COL4A4: variants seen among roughly 807,000 people sequenced by gnomAD.
COL4A4 encodes the protein collagen alpha-4(IV) chain.
Under a neutral mutation model 192.9 loss-of-function variants are expected in COL4A4, and 105 were observed. That is an observed-to-expected ratio of 0.54 (90% CI 0.46 to 0.64). The LOEUF (loss-of-function observed/expected upper bound fraction) is 0.64. Ranked by LOEUF, COL4A4 falls within the 30% of genes least tolerant of loss-of-function variation. COL4A4 has a pLI of 0.00. For missense variants in COL4A4, 1,967 were observed against 2,169.3 expected, an observed-to-expected ratio of 0.91 and a Z score of 1.85; for synonymous variants, 762 against 769.9, an observed-to-expected ratio of 0.99 and a Z score of 0.17.
At chr2:227,144,605 T>C (rs2063425686) in intron 2 of COL4A4, 47 bp from the exon 3 acceptor site, 12 of 1,451,690 alleles carry the variant, frequency 8.3e-6, no homozygotes, top group Non-Finnish European at 1.1e-5. Context: ...TTTCTTTTCA[T>C]GTGAAACAAA....
the COL4A4 span, among the ~76,000 whole-genome samples, chr2:226,974,338 C>T: frequency 1.3e-5 from 2 of 151,944 alleles, no homozygotes; most frequent in Admixed American, 1.3e-4. Context: ...CCTGGGTTCA[C>T]GCCATTCTTC....
chr2:227,109,281 A>T lies in COL4A4; in HGVS notation c.600T>A (p.Ser200=), dbSNP rs549182013. 2 of 1,613,968 alleles carry T rather than the reference A, an allele frequency of 1.2e-6. No homozygotes were observed. The highest frequency in any genetic ancestry group is 4.5e-5 in the East Asian group (2 of 44,886). ...GDPGLPGLPG[S]WGAGGPAGPT... The stretch of plus-strand genomic sequence containing the variant: ...GACCTGCCGGTCCTCCTGCACCCCA[A>T]GATCCCTAAACATGAGAAAAATCAG... Residue 200 remains serine, a synonymous_variant, in exon 10 of 48, where the codon TCT becomes TCA. Coordinates refer to ENST00000396625, the MANE Select transcript of COL4A4 (RefSeq NM_000092.5).
Position 227,045,452 on chromosome 2 carries a change from G to A in COL4A4, c.3289+2023C>T, listed in dbSNP as rs113504747. Among the ~76,000 whole-genome samples the A allele has an allele frequency of 1.0e-3, 151 of 146,790 alleles. 2 individuals are homozygous for A. Among genetic ancestry groups the A allele is most frequent in the African/African-American group, 3.4e-3 (133 of 39,360 alleles). On this transcript the variant is annotated intron_variant, in intron 35 of 47. Coordinates refer to ENST00000396625, the MANE Select transcript of COL4A4 (RefSeq NM_000092.5). ...TTTTCCCTATCAAATGTATACTTCAGTTATACAGTTCAGTTAAAATATTAT... is the reference window on the plus strand; with the variant it reads ...TTTTCCCTATCAAATGTATACTTCAATTATACAGTTCAGTTAAAATATTAT...
chr2:227,112,955 A>G (rs1284191601), intron 8 of COL4A4, among the ~76,000 whole-genome samples: 3 of 152,076 alleles, frequency 2.0e-5, no homozygotes, highest in African/African-American at 4.8e-5. Flanking sequence ...TTGTTTATCC[A>G]TTCATCTGTT....
chr2:227,078,562 A>C (rs899436943), intron 24 of COL4A4, among the ~76,000 whole-genome samples: 1 of 152,242 alleles, frequency 6.6e-6, no homozygotes, highest in African/African-American at 2.4e-5. Context: ...ATTTATATAC[A>C]TACATATAAT....
chr2:226,977,993 C>T, the COL4A4 span, among the ~76,000 whole-genome samples: 5 of 152,226 alleles, frequency 3.3e-5, no homozygotes, highest in African/African-American at 4.8e-5. Flanking sequence ...GTATTTAAAG[C>T]TATAAATGAC....
rs531564775 is a variant in COL4A4 at position 227,118,493 on chromosome 2, A to G, written c.489+152T>C. On this transcript the variant is annotated intron_variant, in intron 7 of 47. Transcript: ENST00000396625. ...GTCCTGCATGTTCTAAGTCCTGCCT[A>G]TCTCTCTGTCCTTATCCCCCAGCCA... 269 of 656,712 alleles carry G rather than the reference A, an allele frequency of 4.1e-4. 4 individuals are homozygous for G. The South Asian group carries it at 4.6e-3, about 11-fold the overall frequency. 40.7% of individuals were successfully genotyped at this position (656,712 alleles called of 1,614,324 possible). A position where few individuals can be genotyped will look rare whatever the true frequency, so the allele number is the denominator to read the frequency against.
At chr2:227,070,226 C>T in intron 25 of COL4A4, among the ~76,000 whole-genome samples, 1 of 151,774 alleles carries the variant, frequency 6.6e-6, no homozygotes, top group East Asian at 1.9e-4. Flanking sequence ...ACAACAAGTG[C>T]TGGAGAGGAT....
rs539808080 is a variant in COL4A4 at position 227,100,612 on chromosome 2, G to A, written c.1029+892C>T. Among the ~76,000 whole-genome samples the A allele has an allele frequency of 2.0e-5, 3 of 152,190 alleles. No homozygotes were observed. In the South Asian group the frequency reaches 6.2e-4, roughly 32 times the overall value. ...CTACATCATTTTACATCAGGGACTT[G>A]AGCATCTGAGGGTTTTGGTAGCCTA... is the stretch of plus-strand genomic sequence containing the variant. On this transcript the variant is annotated intron_variant, in intron 17 of 47. Transcript: ENST00000396625.
At chr2:226,990,204 G>A in the COL4A4 span, among the ~76,000 whole-genome samples, 1 of 152,094 alleles carries the variant, frequency 6.6e-6, no homozygotes, top group Non-Finnish European at 1.5e-5. Context: ...GTCCCTTCAG[G>A]CCTTTTTGGT....
intron 26 of COL4A4, 25 bp from the exon 27 acceptor site, chr2:227,060,268 C>T: frequency 1.3e-6 from 2 of 1,501,200 alleles, no homozygotes; most frequent in African/African-American, 1.4e-5. Flanking sequence ...AAACAAAACA[C>T]AGACTCAATA....
At chr2:227,096,882 A>T (rs1169170022) in intron 19 of COL4A4, among the ~76,000 whole-genome samples, 1 of 152,222 alleles carries the variant, frequency 6.6e-6, no homozygotes, top group Non-Finnish European at 1.5e-5. Flanking sequence ...TCTCATGGTA[A>T]ATACTGTAGA....
chr2:226,975,653 A>T, the COL4A4 span, among the ~76,000 whole-genome samples: 1 of 152,188 alleles, frequency 6.6e-6, no homozygotes, highest in African/African-American at 2.4e-5. Flanking sequence ...AGGGAAATAC[A>T]TTTATTTCTA....
intron 44 of COL4A4, among the ~76,000 whole-genome samples, chr2:227,018,719 G>A (rs1965424544): frequency 6.6e-6 from 1 of 152,160 alleles, no homozygotes; most frequent in Non-Finnish European, 1.5e-5. Flanking sequence ...GCCTTGGAGT[G>A]TCCCCACTTC....
Position 227,059,685 on chromosome 2 carries a change from T to C in COL4A4, c.2165-62A>G, listed in dbSNP as rs45478091. ...TGTGCAAGTATAGAACCAATACATA[T>C]AAGACTTACTTTGATAAAAATACTT... On this transcript the variant is annotated intron_variant, in intron 27 of 47. Transcript: ENST00000396625. The C allele has an allele frequency of 1.8e-3, 2,079 of 1,179,396 alleles. 4 individuals carry two copies. The highest frequency in any genetic ancestry group is 2.3e-3 in the Non-Finnish European group (1,827 of 786,794). 73.1% of individuals were successfully genotyped at this position (1,179,396 alleles called of 1,614,324 possible). A position where few individuals can be genotyped will look rare whatever the true frequency, so the allele number is the denominator to read the frequency against.
rs138196559 is a variant in COL4A4 at position 227,056,784 on chromosome 2, G to C, written c.2545+655C>G. On this transcript the variant is annotated intron_variant, in intron 29 of 47. Transcript: ENST00000396625. Reference sequence around the variant, plus strand: ...GGGCAGAGCCCTCATGAATAAGATTGGTGACCTTATTAAAGAGGTGCAAAA... The same window carrying C: ...GGGCAGAGCCCTCATGAATAAGATTCGTGACCTTATTAAAGAGGTGCAAAA... 4.2e-3 allele frequency among the ~76,000 whole-genome samples: 635 copies of C among 152,266 alleles called. 5 individuals are homozygous for C. Among genetic ancestry groups the C allele is most frequent in the African/African-American group, 0.015 (606 of 41,554 alleles).
At chr2:227,107,992 A>G (rs6436653) in intron 12 of COL4A4, among the ~76,000 whole-genome samples, 95,192 of 151,734 alleles carry the variant, frequency 0.63, 30,753 homozygotes, top group African/African-American at 0.76. Context: ...TCTTGACCTC[A>G]TGATCCACCC....
the COL4A4 span, among the ~76,000 whole-genome samples, chr2:226,983,305 T>C: frequency 6.6e-6 from 1 of 152,160 alleles, no homozygotes; most frequent in South Asian, 2.1e-4. Flanking sequence ...AAATCCAGCA[T>C]CTAGTATTTA....
At chr2:227,061,801 G>A (rs1359832063) in intron 26 of COL4A4, among the ~76,000 whole-genome samples, 1 of 152,204 alleles carries the variant, frequency 6.6e-6, no homozygotes, top group Non-Finnish European at 1.5e-5. Flanking sequence ...TTGCATGAAT[G>A]TGCAAACAAG....
Sources: allele counts gnomAD v4.1 joint callset (sites outside exome capture counted in the v4.1 genomes callset), GRCh38; gene constraint gnomAD v4.1.1; transcripts MANE v1.5; gene names NCBI Gene and HGNC (gene_info 2026-07-23, HGNC 2026-07-21).